Variants in DERA observed in about 807,000 individuals in gnomAD.
DERA encodes the protein deoxyribose-phosphate aldolase, also known as 2-deoxy-D-ribose 5-phosphate aldolase.
A neutral mutation model predicts 41.1 loss-of-function variants in DERA; 15 were observed. The ratio of observed to expected loss-of-function variants is 0.37; its 90% CI spans 0.24 to 0.56. The LOEUF is 0.56. Among genes scored for constraint, DERA ranks in the 20% least tolerant of loss-of-function variants. DERA has a pLI of 0.81. For synonymous variants in DERA, 139 were observed against 137.4 expected (o/e 1.01, Z -0.08); for missense variants, 396 against 403.4 (o/e 0.98, Z 0.16).
At chr12:16,016,376 A>T (rs1948982227) in intron 6 of DERA, among the ~76,000 whole-genome samples, 1 of 152,202 alleles carries the variant, frequency 6.6e-6, no homozygotes, top group African/African-American at 2.4e-5. Context: ...CTCTATGTAG[A>T]TATTTAAAAA....
intron 1 of DERA, among the ~76,000 whole-genome samples, chr12:15,919,996 G>C (rs12316616): frequency 8.8e-6 from 1 of 114,260 alleles, no homozygotes; most frequent in Non-Finnish European, 2.0e-5. Context: ...GTGTGTGTCT[G>C]TGTGTGTGTG....
chr12:15,911,742 A>C lies in DERA; in HGVS notation c.31+328A>C. 2 of 587,790 alleles carry C rather than the reference A, an allele frequency of 3.4e-6. No homozygotes were observed. The highest frequency in any genetic ancestry group is 6.4e-6 in the Non-Finnish European group (2 of 312,534). The allele number at this position is 587,790 out of a possible 1,614,324, so 36.4% of individuals were successfully genotyped here. On this transcript the variant is annotated intron_variant, in intron 1 of 8. Coordinates refer to ENST00000428559, the MANE Select transcript of DERA (RefSeq NM_015954.4). The surrounding 1 kb of genome is among the most constrained non-coding windows in gnomAD (Gnocchi z 4.5). ...CAAAAAACAAAACCCAAAACAAACA[A>C]CCCCCAAGCAGGTAAAAACAGATAA...
intron 3 of DERA, 26 bp downstream of exon 3, chr12:15,958,361 T>C (rs1301749726): frequency 6.4e-7 from 1 of 1,572,644 alleles, no homozygotes; most frequent in Non-Finnish European, 8.6e-7. Flanking sequence ...GTGATCTATG[T>C]GGTGTTTAGT....
At position 15,983,751 on chromosome 12, in the gene DERA, T is replaced by G. The variant is rs1948747016; in HGVS notation, c.637+1315T>G. The stretch of plus-strand genomic sequence containing the variant: ...TTCTTGAGTGCTCTGTCAGGCCTAG[T>G]AGATCATTCCTTGGAACTCTACTGA... On this transcript the variant is annotated intron_variant, in intron 6 of 8. Coordinates refer to ENST00000428559, the MANE Select transcript of DERA (RefSeq NM_015954.4). This position sits in a 1 kb window ranked among gnomAD's most constrained non-coding sequence, Gnocchi z 6.2. 6.6e-6 allele frequency among the ~76,000 whole-genome samples: 1 copy of G among 152,196 alleles called. No homozygotes were observed. Among genetic ancestry groups the G allele is most frequent in the Non-Finnish European group, 1.5e-5 (1 of 68,024 alleles).
At chr12:15,980,624 C>G (rs1026573628) in intron 5 of DERA, among the ~76,000 whole-genome samples, 1 of 151,938 alleles carries the variant, frequency 6.6e-6, no homozygotes, top group Non-Finnish European at 1.5e-5. Context: ...ATGATTTTCT[C>G]CCAGGTTAGG....
At chr12:16,034,008 T>A (rs971537616) in intron 7 of DERA, among the ~76,000 whole-genome samples, 1 of 152,194 alleles carries the variant, frequency 6.6e-6, no homozygotes, top group African/African-American at 2.4e-5. Flanking sequence ...CTATCTTTGG[T>A]CCTCAGTTGA....
At position 15,972,002 on chromosome 12, in the gene DERA, G is replaced by A. The variant is rs745529278; in HGVS notation, c.508+9055G>A. On this transcript the variant is annotated intron_variant, in intron 5 of 8. Transcript: ENST00000428559. This position sits in a 1 kb window ranked among gnomAD's most constrained non-coding sequence, Gnocchi z 4.4. ...ACAGTATAGCACATCTGGTCTCATA[G>A]GAAGACAGCACCTCGTGTAGCTTCC... The A allele has an allele frequency of 5.3e-5, 10 of 189,038 alleles. No individual in the cohort carries two copies. The highest frequency in any genetic ancestry group is 8.8e-5 in the Non-Finnish European group (8 of 90,442). 11.7% of individuals were successfully genotyped at this position (189,038 alleles called of 1,614,324 possible).
At chr12:15,987,315 C>A (rs1241369349) in intron 6 of DERA, among the ~76,000 whole-genome samples, 2 of 149,162 alleles carry the variant, frequency 1.3e-5, no homozygotes, top group South Asian at 2.1e-4. Context: ...CAGCTCACTG[C>A]AACCTCCACC....
In DERA at chr12:15,911,401, G is replaced by A; in HGVS notation, c.18G>A (p.Arg6=). 2.1e-6 allele frequency: 3 copies of A among 1,407,100 alleles called. No individual in the cohort carries two copies. The highest frequency in any genetic ancestry group is 2.7e-6 in the Non-Finnish European group (3 of 1,092,018). 87.2% of individuals were successfully genotyped at this position (1,407,100 alleles called of 1,614,324 possible). ...CCCGCGCCATGTCCGCGCACAATCGGGGCACCGAGCTCGGTAAGGGGCCCG... is the reference window on the plus strand; with the variant it reads ...CCCGCGCCATGTCCGCGCACAATCGAGGCACCGAGCTCGGTAAGGGGCCCG... The part of the protein sequence containing the change: MSAHN[R]GTELDLSWIS... The change falls in exon 1 of 9, where the codon CGG becomes CGA. Residue 6 remains arginine (R), a synonymous_variant. Transcript: ENST00000428559. This position sits in a 1 kb window ranked among gnomAD's most constrained non-coding sequence, Gnocchi z 4.5.
intron 6 of DERA, among the ~76,000 whole-genome samples, chr12:16,002,762 C>T (rs1437776095): frequency 1.3e-5 from 2 of 152,148 alleles, no homozygotes; most frequent in African/African-American, 2.4e-5. Flanking sequence ...TTAGACAGGG[C>T]AGTAGTGCTG....
At chr12:15,934,825 G>T (rs1288969241) in intron 1 of DERA, among the ~76,000 whole-genome samples, 2 of 152,118 alleles carry the variant, frequency 1.3e-5, no homozygotes, top group Non-Finnish European at 2.9e-5. Flanking sequence ...ACTTCATGCT[G>T]GGAACCTGGT....
Position 15,972,976 on chromosome 12 carries a change from T to G in DERA, c.509-9332T>G, listed in dbSNP as rs1359974892. Among the ~76,000 whole-genome samples, 2 of 151,974 alleles carry G rather than the reference T, an allele frequency of 1.3e-5. No individual in the cohort carries two copies. The highest frequency in any genetic ancestry group is 2.1e-4 in the South Asian group (1 of 4,816). ...TGCAGTCTGACCCCTTTCCCTCCTT[T>G]CCACTCCTTGGATCCACACTCTGAT... On this transcript the variant is annotated intron_variant, in intron 5 of 8. Transcript: ENST00000428559. The surrounding 1 kb of genome is among the most constrained non-coding windows in gnomAD (Gnocchi z 4.4).
chr12:16,002,115 C>T (rs12812306), intron 6 of DERA, among the ~76,000 whole-genome samples: 43 of 151,238 alleles, frequency 2.8e-4, no homozygotes, highest in African/African-American at 9.5e-4. Context: ...GGTATATCTT[C>T]TAATGCTATC....
chr12:15,985,541 C>T lies in DERA; in HGVS notation c.637+3105C>T, dbSNP rs1948758482. ...GCTTTGCCAATTTTATTAATCTTTT[C>T]AGAGAGCCAAGTTTTTATTTTGTTG... On this transcript the variant is annotated intron_variant, in intron 6 of 8. Coordinates refer to ENST00000428559, the MANE Select transcript of DERA (RefSeq NM_015954.4). This position sits in a 1 kb window ranked among gnomAD's most constrained non-coding sequence, Gnocchi z 4.2. Among the ~76,000 whole-genome samples, 1 of 150,400 alleles carries T rather than the reference C, an allele frequency of 6.6e-6. No homozygotes were observed. Among genetic ancestry groups the T allele is most frequent in the South Asian group, 2.1e-4 (1 of 4,664 alleles).
Position 15,941,922 on chromosome 12 carries a change from T to G in DERA, c.32-15014T>G, listed in dbSNP as rs147144878. 1.2e-3 allele frequency among the ~76,000 whole-genome samples: 187 copies of G among 152,308 alleles called. 1 individual carries two copies. Among genetic ancestry groups the G allele is most frequent in the African/African-American group, 4.4e-3 (184 of 41,580 alleles). On this transcript the variant is annotated intron_variant, in intron 1 of 8. Transcript: ENST00000428559. The surrounding 1 kb of genome is among the most constrained non-coding windows in gnomAD (Gnocchi z 4.5). ...GATTGCTGGATTGAATGGTAAGTTC[T>G]TTAAGGAATCCCCGTACTGTTTTCT...
intron 4 of DERA, among the ~76,000 whole-genome samples, chr12:15,962,036 G>A (rs1948591906): frequency 6.6e-6 from 1 of 152,214 alleles, no homozygotes; most frequent in African/African-American, 2.4e-5. Context: ...GAGCCACTGT[G>A]CCCAGCCCCA....
At position 15,987,229 on chromosome 12, in the gene DERA, A is replaced by C. The variant is rs899304181; in HGVS notation, c.637+4793A>C. On this transcript the variant is annotated intron_variant, in intron 6 of 8. Coordinates refer to ENST00000428559, the MANE Select transcript of DERA (RefSeq NM_015954.4). Reference sequence around the variant, plus strand: ...GACGTTTTCAAAACCATATATATGTACTTTTTTTTTTTTTTTTTTTTTTTT... The same window carrying C: ...GACGTTTTCAAAACCATATATATGTCCTTTTTTTTTTTTTTTTTTTTTTTT... Among the ~76,000 whole-genome samples the C allele has an allele frequency of 2.9e-3, 333 of 114,508 alleles. 1 individual carries two copies. Among genetic ancestry groups the C allele is most frequent in the African/African-American group, 4.6e-3 (137 of 29,616 alleles). 75.1% of individuals were successfully genotyped at this position (114,508 alleles called of 152,430 possible).
intron 1 of DERA, among the ~76,000 whole-genome samples, chr12:15,916,513 C>T (rs1385433023): frequency 1.3e-5 from 2 of 148,650 alleles, no homozygotes; most frequent in Admixed American, 1.3e-4. Context: ...TGCAGTGGCG[C>T]CATCTCGGCT....
At chr12:16,018,597 G>T (rs778126115) in intron 6 of DERA, among the ~76,000 whole-genome samples, 1 of 152,038 alleles carries the variant, frequency 6.6e-6, no homozygotes, top group Non-Finnish European at 1.5e-5. Flanking sequence ...ATCAACAGCT[G>T]ATTAGAAGTC....
Sources: allele counts gnomAD v4.1 joint callset (sites outside exome capture counted in the v4.1 genomes callset), GRCh38; gene constraint gnomAD v4.1.1; non-coding constraint Gnocchi (gnomAD v3.1); transcripts MANE v1.5; gene names NCBI Gene and HGNC (gene_info 2026-07-23, HGNC 2026-07-21).